The following MYL10 variants were observed in gnomAD, a reference collection of about 807,000 sequenced individuals.
MYL10 encodes myosin regulatory light chain 10.
A neutral mutation model predicts 21.9 loss-of-function variants in MYL10; 18 were observed. That is an observed-to-expected ratio of 0.82 (90% CI 0.57 to 1.22). MYL10 has a LOEUF of 1.22. Among genes scored for constraint, MYL10 ranks in the 50% most tolerant of loss-of-function variants. MYL10 has a pLI of 0.00. For missense variants in MYL10, 225 were observed against 230.4 expected (o/e 0.98, Z 0.15); for synonymous variants, 88 against 82.8 (o/e 1.06, Z -0.34).
At chr7:101,619,889 C>CAAA (rs60752793) in intron 5 of MYL10, among the ~76,000 whole-genome samples, 37,787 of 102,230 alleles carry the variant, frequency 0.37, 8,494 homozygotes, top group East Asian at 0.75. Context: ...GACTCCGTCT[C>CAAA]AAAAAAAAAA....
At chr7:101,618,878 C>A (rs1417435625) in intron 5 of MYL10, among the ~76,000 whole-genome samples, 1 of 152,244 alleles carries the variant, frequency 6.6e-6, no homozygotes, top group African/African-American at 2.4e-5. Flanking sequence ...TGGACCGACA[C>A]GAGCTTTTAG....
intron 5 of MYL10, among the ~76,000 whole-genome samples, chr7:101,620,005 T>G (rs556901642): frequency 6.6e-6 from 1 of 152,088 alleles, no homozygotes; most frequent in Non-Finnish European, 1.5e-5. Flanking sequence ...CATCTTAGAT[T>G]ATCCCAGTAG....
At chr7:101,623,758 T>C (rs1445008827) in intron 3 of MYL10, among the ~76,000 whole-genome samples, 162 bp downstream of exon 3, 3 of 149,676 alleles carry the variant, frequency 2.0e-5, no homozygotes, top group Admixed American at 6.7e-5. Context: ...CTGGGCACTG[T>C]GGCTCACGTC....
Position 101,613,463 on chromosome 7 carries a change from A to C in MYL10, c.*12T>G. On this transcript the variant is annotated 3_prime_UTR_variant, in exon 8 of 8. Transcript: ENST00000223167. ...TTTGCTGCCCCTGAATGTCGGGGAGACTTGTGATCCCCTAATCCTTCTCTT... is the reference window on the plus strand; with the variant it reads ...TTTGCTGCCCCTGAATGTCGGGGAGCCTTGTGATCCCCTAATCCTTCTCTT... 1 of 1,609,096 alleles carries C rather than the reference A, an allele frequency of 6.2e-7. No individual in the cohort carries two copies. Among genetic ancestry groups the C allele is most frequent in the Non-Finnish European group, 8.5e-7 (1 of 1,175,522 alleles).
At position 101,616,238 on chromosome 7, in the gene MYL10, C is replaced by T; in HGVS notation, c.515G>A (p.Gly172Asp). 1 of 1,614,148 alleles carries T rather than the reference C, an allele frequency of 6.2e-7. No individual in the cohort carries two copies. The highest frequency in any genetic ancestry group is 8.5e-7 in the Non-Finnish European group (1 of 1,180,006). Reference protein sequence around the residue: ...AFKVFDTEGKGFVKADVIKEK... With the variant: ...AFKVFDTEGKDFVKADVIKEK... Reference sequence around the variant, plus strand: ...AACTTACACATCGGCCTTGACGAAACCTTTCCCTTCAGTGTCGAACACTTT... The same window carrying T: ...AACTTACACATCGGCCTTGACGAAATCTTTCCCTTCAGTGTCGAACACTTT... Residue 172 changes from glycine (G) to aspartate (D), a missense_variant, in exon 6 of 8, where the codon GGT becomes GAT. Transcript: ENST00000223167.
chr7:101,613,480 C>T lies in MYL10; in HGVS notation c.676G>A (p.Asp226Asn). Residue 226 changes from aspartate to asparagine, a missense_variant, in exon 8 of 8, where the codon GAT (aspartate) becomes AAT (asparagine). Coordinates refer to ENST00000223167, the MANE Select transcript of MYL10 (RefSeq NM_138403.5). Reference sequence around the variant, plus strand: ...TCGGGGAGACTTGTGATCCCCTAATCCTTCTCTTCACCGTGAGTGATGACG... The same window carrying T: ...TCGGGGAGACTTGTGATCCCCTAATTCTTCTCTTCACCGTGAGTGATGACG... Reference protein sequence around the residue: ...CYVITHGEEKD With the variant: ...CYVITHGEEKN The T allele has an allele frequency of 6.2e-7, 1 of 1,613,870 alleles. No homozygotes were observed. The highest frequency in any genetic ancestry group is 8.5e-7 in the Non-Finnish European group (1 of 1,179,728).
At chr7:101,614,768 C>T (rs535723828) in intron 6 of MYL10, among the ~76,000 whole-genome samples, 9 of 152,246 alleles carry the variant, frequency 5.9e-5, no homozygotes, top group South Asian at 4.1e-4. Context: ...ATGTGTGAGA[C>T]GGGACAGACC....
At chr7:101,621,491 C>T (rs957349522) in intron 5 of MYL10, among the ~76,000 whole-genome samples, 1 of 152,028 alleles carries the variant, frequency 6.6e-6, no homozygotes, top group Non-Finnish European at 1.5e-5. Flanking sequence ...ATGTGCAGAG[C>T]GGGTAAAAGG....
chr7:101,621,472 C>T (rs1796676717), intron 5 of MYL10, among the ~76,000 whole-genome samples: 1 of 152,110 alleles, frequency 6.6e-6, no homozygotes, highest in African/African-American at 2.4e-5. Context: ...TGCCTATACC[C>T]CCAGCCCCAT....
chr7:101,625,067 C>T (rs1230575843), intron 1 of MYL10, among the ~76,000 whole-genome samples: 1 of 152,224 alleles, frequency 6.6e-6, no homozygotes, highest in Non-Finnish European at 1.5e-5. Flanking sequence ...TCTCTGATCT[C>T]TCCTATCCCC....
chr7:101,613,751 T>G, intron 6 of MYL10, 41 bp from the exon 7 acceptor site: 1 of 1,603,662 alleles, frequency 6.2e-7, no homozygotes, highest in Non-Finnish European at 8.5e-7. Context: ...GGGAACGGGA[T>G]ACCCAGCTTG....
intron 5 of MYL10, among the ~76,000 whole-genome samples, chr7:101,617,244 A>G (rs920408800): frequency 6.6e-6 from 1 of 152,266 alleles, no homozygotes; most frequent in African/African-American, 2.4e-5. Flanking sequence ...ACCTCACAGG[A>G]GCAGCTAAGA....
At chr7:101,626,116 G>A (rs933596070) in intron 1 of MYL10, among the ~76,000 whole-genome samples, 1 of 152,230 alleles carries the variant, frequency 6.6e-6, no homozygotes, top group African/African-American at 2.4e-5. Flanking sequence ...GGGAAGAAGG[G>A]GGGGTCACCC....
intron 6 of MYL10, among the ~76,000 whole-genome samples, chr7:101,613,966 G>A (rs1055245063): frequency 1.3e-5 from 2 of 152,088 alleles, no homozygotes; most frequent in African/African-American, 4.8e-5. Context: ...CCACCATGAG[G>A]GCTACTCTGA....
rs143441548 is a variant in MYL10 at position 101,626,114 on chromosome 7, G to T, written c.79-1850C>A. Among the ~76,000 whole-genome samples the T allele has an allele frequency of 3.7e-4, 56 of 152,284 alleles. 1 individual carries two copies. Among genetic ancestry groups the T allele is most frequent in the African/African-American group, 1.2e-3 (50 of 41,566 alleles). On this transcript the variant is annotated intron_variant, in intron 1 of 7. Coordinates refer to ENST00000223167, the MANE Select transcript of MYL10 (RefSeq NM_138403.5). Reference sequence around the variant, plus strand: ...CTGAAAGGAACATCTCAGGGAAGAAGGGGGGGTCACCCGGATCTGGGTTCA... The same window carrying T: ...CTGAAAGGAACATCTCAGGGAAGAATGGGGGGTCACCCGGATCTGGGTTCA...
chr7:101,625,032 CA>C (rs1484552364), intron 1 of MYL10, among the ~76,000 whole-genome samples: 1 of 152,154 alleles, frequency 6.6e-6, no homozygotes, highest in Non-Finnish European at 1.5e-5. Flanking sequence ...GTGGACATCT[CA>C]GGGGTAAAAC....
chr7:101,622,875 A>T, intron 4 of MYL10, 122 bp downstream of exon 4: 2 of 747,198 alleles, frequency 2.7e-6, no homozygotes, highest in Non-Finnish European at 4.2e-6. Flanking sequence ...GGCTGCCTTT[A>T]CCCTGTGCTC....
intron 5 of MYL10, among the ~76,000 whole-genome samples, chr7:101,621,269 G>C (rs1038855723): frequency 6.6e-6 from 1 of 152,156 alleles, no homozygotes; most frequent in African/African-American, 2.4e-5. Context: ...TTGCATCCCG[G>C]CCACTTTTTG....
chr7:101,616,254 C>T lies in MYL10; in HGVS notation c.499G>A (p.Asp167Asn), dbSNP rs548990601. The T allele has an allele frequency of 9.3e-6, 15 of 1,614,110 alleles. No individual in the cohort carries two copies. The highest frequency in any genetic ancestry group is 5.3e-5 in the African/African-American group (4 of 75,044). Residue 167 changes from aspartate to asparagine, a missense_variant, in exon 6 of 8, where the codon GAC becomes AAC. Asp to Asn is a conservative substitution (Grantham distance 23). Coordinates refer to ENST00000223167, the MANE Select transcript of MYL10 (RefSeq NM_138403.5). ...ETILHAFKVFDTEGKGFVKAD... is the reference protein window; with the variant it reads ...ETILHAFKVFNTEGKGFVKAD... ...TTGACGAAACCTTTCCCTTCAGTGT[C>T]GAACACTTTGAAGGCGTGGAGAATG...
Sources: gnomAD v4.1 joint callset for allele counts (sites outside exome capture counted in the v4.1 genomes callset) on GRCh38, gnomAD v4.1.1 for gene constraint, MANE v1.5 for transcripts, NCBI Gene and HGNC (gene_info 2026-07-23, HGNC 2026-07-21) for gene names.